RGS7: variants seen among roughly 807,000 people sequenced by gnomAD.
RGS7 encodes regulator of G protein signaling 7, also known as regulator of G-protein signaling 7.
A neutral mutation model predicts 81.1 loss-of-function variants in RGS7; 27 were observed. The observed-to-expected ratio is 0.33, with a 90% CI of 0.25 to 0.46. The LOEUF is 0.46. Among genes scored for constraint, RGS7 ranks in the 20% least tolerant of loss-of-function variants. The pLI, the probability that RGS7 is intolerant of heterozygous loss-of-function variation, is 1.00. For missense variants in RGS7, 396 were observed against 607.4 expected, an observed-to-expected ratio of 0.65 and a Z score of 3.66; for synonymous variants, 208 against 207.7, an observed-to-expected ratio of 1.00 and a Z score of -0.01.
intron 6 of RGS7, among the ~76,000 whole-genome samples, chr1:240,907,770 A>C (rs932828042): frequency 6.6e-6 from 1 of 152,142 alleles, no homozygotes; most frequent in African/African-American, 2.4e-5. Context: ...TCACCCCTCA[A>C]TATTGAAGCA....
At chr1:240,812,126 T>C (rs1381943182) in intron 13 of RGS7, 83 bp from the exon 14 acceptor site, 13 of 1,494,310 alleles carry the variant, frequency 8.7e-6, no homozygotes, top group Non-Finnish European at 1.1e-5. Flanking sequence ...TTCAAAATCA[T>C]GTGTGCCTCG....
intron 4 of RGS7, among the ~76,000 whole-genome samples, chr1:240,952,865 A>G (rs963652787): frequency 2.0e-5 from 3 of 151,948 alleles, no homozygotes; most frequent in African/African-American, 7.2e-5. Context: ...GTTCACACTA[A>G]TCAAAATCTT....
At chr1:240,960,160 CAAA>C (rs112575284) in intron 4 of RGS7, among the ~76,000 whole-genome samples, 6 of 131,898 alleles carry the variant, frequency 4.5e-5, no homozygotes, top group Admixed American at 1.5e-4. Flanking sequence ...CCCCCAACAC[CAAA>C]AAAAAAAAAG....
chr1:241,099,132 A>C (rs1483446760), intron 2 of RGS7, among the ~76,000 whole-genome samples: 1 of 152,228 alleles, frequency 6.6e-6, no homozygotes, highest in African/African-American at 2.4e-5. Flanking sequence ...TACTGAAATC[A>C]GTGCAAAAGC....
intron 2 of RGS7, among the ~76,000 whole-genome samples, chr1:241,118,217 G>A (rs1290073366): frequency 6.6e-6 from 1 of 152,158 alleles, no homozygotes; most frequent in Non-Finnish European, 1.5e-5. Flanking sequence ...TACATTCCAT[G>A]AGGAAATAAA....
intron 2 of RGS7, among the ~76,000 whole-genome samples, chr1:241,317,909 C>G (rs2080981545): frequency 6.6e-6 from 1 of 152,124 alleles, no homozygotes; most frequent in African/African-American, 2.4e-5. Flanking sequence ...GAATCATACG[C>G]CTTCCCAGTT....
chr1:241,070,552 G>A (rs2062376038), intron 3 of RGS7, among the ~76,000 whole-genome samples: 1 of 152,172 alleles, frequency 6.6e-6, no homozygotes, highest in Admixed American at 6.5e-5. Flanking sequence ...ATTCCACATG[G>A]TTGTGAATAG....
chr1:241,078,485 A>ATATGTGTGTGTGTGTG (rs145183501), intron 3 of RGS7, among the ~76,000 whole-genome samples: 1,609 of 143,576 alleles, frequency 0.011, 44 homozygotes, highest in African/African-American at 0.039. Flanking sequence ...CACGTAAGTT[A>ATATGTGTGTGTGTGTG]TGTGTGTGTG....
chr1:241,293,330 A>G (rs972657527), intron 2 of RGS7, among the ~76,000 whole-genome samples: 8 of 152,252 alleles, frequency 5.3e-5, no homozygotes, highest in Non-Finnish European at 1.0e-4. Context: ...TTACTATACT[A>G]TACTTTTTAT....
At position 240,868,821 on chromosome 1, in the gene RGS7, G is replaced by A; in HGVS notation, c.482C>T (p.Ala161Val). ...CATGAAAATGAACTCCCACTTCCGG[G>A]CAAATGCTCTCTGCAGCCTGGCCAG... Reference protein sequence around the residue: ...ESLARLQRAFARKWEFIFMQA... With the variant: ...ESLARLQRAFVRKWEFIFMQA... Residue 161 changes from alanine (A) to valine (V), a missense_variant, in exon 8 of 19, where the codon GCC becomes GTC. Transcript: ENST00000440928. This position sits in a 1 kb window ranked among gnomAD's most constrained non-coding sequence, Gnocchi z 5.1. 3 of 1,613,914 alleles carry A rather than the reference G, an allele frequency of 1.9e-6. No homozygotes were observed. Among genetic ancestry groups the A allele is most frequent in the Non-Finnish European group, 2.5e-6 (3 of 1,180,000 alleles).
At chr1:240,897,560 T>A (rs1669297343) in intron 6 of RGS7, among the ~76,000 whole-genome samples, 1 of 152,198 alleles carries the variant, frequency 6.6e-6, no homozygotes, top group African/African-American at 2.4e-5. Context: ...TTGTCTTTGT[T>A]TCTGTTTATA....
chr1:241,260,049 GT>G (rs1484736571), intron 2 of RGS7, among the ~76,000 whole-genome samples: 1 of 152,090 alleles, frequency 6.6e-6, no homozygotes, highest in Non-Finnish European at 1.5e-5. Flanking sequence ...ACACCACACT[GT>G]CTGCCATCCA....
At chr1:241,113,006 C>T (rs1464700957) in intron 2 of RGS7, among the ~76,000 whole-genome samples, 3 of 152,196 alleles carry the variant, frequency 2.0e-5, no homozygotes, top group Non-Finnish European at 4.4e-5. Context: ...GTTTCAACTA[C>T]TCCTTCATTC....
At chr1:241,154,753 A>G (rs1365123850) in intron 2 of RGS7, among the ~76,000 whole-genome samples, 4 of 152,200 alleles carry the variant, frequency 2.6e-5, no homozygotes, top group Non-Finnish European at 5.9e-5. Flanking sequence ...TGACAAGGGC[A>G]AAGAGGAGAG....
chr1:241,181,507 T>C (rs2071618055), intron 2 of RGS7, among the ~76,000 whole-genome samples: 2 of 152,206 alleles, frequency 1.3e-5, no homozygotes, highest in Non-Finnish European at 1.5e-5. Context: ...ATGCCAGCTA[T>C]TACTCTGATC....
Position 240,778,283 on chromosome 1 carries a change from AG to A in RGS7, c.*7-2071del, listed in dbSNP as rs1024776826. ...ATTTAACATGTGAACTTGAGCGGGA[AG>A]GGATCACAAATATTCAGTTCATAGC... On this transcript the variant is annotated intron_variant, in intron 18 of 18. Coordinates refer to ENST00000440928, the MANE Select transcript of RGS7 (RefSeq NM_001364886.1). Among the ~76,000 whole-genome samples, 30 of 152,356 alleles carry A rather than the reference AG, an allele frequency of 2.0e-4. 1 individual carries two copies. The highest frequency in any genetic ancestry group is 7.0e-4 in the African/African-American group (29 of 41,592).
chr1:241,345,875 GC>G (rs1407300690), intron 2 of RGS7, among the ~76,000 whole-genome samples: 1 of 151,902 alleles, frequency 6.6e-6, no homozygotes, highest in Non-Finnish European at 1.5e-5. Flanking sequence ...AATAAGCCAG[GC>G]ATGGTGGTGC....
chr1:241,077,999 G>C (rs1293374004), intron 3 of RGS7, among the ~76,000 whole-genome samples: 1 of 151,760 alleles, frequency 6.6e-6, no homozygotes, highest in East Asian at 1.9e-4. Flanking sequence ...ACAGACCACT[G>C]ACTTATTGGA....
At chr1:241,044,822 C>T (rs1168411819) in intron 3 of RGS7, among the ~76,000 whole-genome samples, 1 of 152,200 alleles carries the variant, frequency 6.6e-6, no homozygotes, top group Non-Finnish European at 1.5e-5. Context: ...CTATAATCTT[C>T]TCCCTTATTA....
Sources: gnomAD v4.1 joint callset for allele counts (sites outside exome capture counted in the v4.1 genomes callset) on GRCh38, gnomAD v4.1.1 for gene constraint, Gnocchi (gnomAD v3.1) non-coding constraint, MANE v1.5 for transcripts, NCBI Gene and HGNC (gene_info 2026-07-23, HGNC 2026-07-21) for gene names.